MDGA2: variants seen among roughly 807,000 people sequenced by gnomAD.
The protein encoded by MDGA2 is MAM domain containing glycosylphosphatidylinositol anchor 2.
Under a neutral mutation model 117.8 loss-of-function variants are expected in MDGA2, and 40 were observed. That is an observed-to-expected ratio of 0.34 (90% confidence interval 0.26 to 0.44). The LOEUF (loss-of-function observed/expected upper bound fraction) is 0.44, where lower values mean the gene tolerates loss of function less well. Ranked by LOEUF, MDGA2 falls within the 20% of genes least tolerant of loss-of-function variation. The pLI is 1.00. For missense variants in MDGA2, 1,123 were observed against 1,250.6 expected, an observed-to-expected ratio of 0.90 and a Z score of 1.54; for synonymous variants, 452 against 439.0, an observed-to-expected ratio of 1.03 and a Z score of -0.37.
intron 15 of MDGA2, among the ~76,000 whole-genome samples, chr14:46,850,882 G>C (rs1256026167): frequency 6.6e-6 from 1 of 151,786 alleles, no homozygotes; most frequent in African/African-American, 2.4e-5. Context: ...AGCTGCAATT[G>C]GTAAATGTTT....
At chr14:47,639,529 A>G (rs1187925485) in intron 1 of MDGA2, among the ~76,000 whole-genome samples, 1 of 152,172 alleles carries the variant, frequency 6.6e-6, no homozygotes, top group East Asian at 1.9e-4. Flanking sequence ...GCATTTTTGC[A>G]TCAAAGCACT....
intron 1 of MDGA2, among the ~76,000 whole-genome samples, chr14:47,443,278 G>A (rs1893051170): frequency 6.6e-6 from 1 of 152,066 alleles, no homozygotes. Context: ...GCTCAATTAA[G>A]ATATAAAAGG....
chr14:47,369,525 C>T (rs1891299822), intron 1 of MDGA2, among the ~76,000 whole-genome samples: 1 of 152,070 alleles, frequency 6.6e-6, no homozygotes, highest in African/African-American at 2.4e-5. Flanking sequence ...TTTTCATCCT[C>T]TTACCACCAC....
intron 6 of MDGA2, among the ~76,000 whole-genome samples, chr14:47,072,619 G>A (rs1455501857): frequency 6.6e-6 from 1 of 152,168 alleles, no homozygotes; most frequent in African/African-American, 2.4e-5. Context: ...CTGAGAATTT[G>A]TTAGAAAGGC....
intron 5 of MDGA2, among the ~76,000 whole-genome samples, chr14:47,101,225 G>A (rs1006763785): frequency 6.6e-6 from 1 of 152,052 alleles, no homozygotes; most frequent in Admixed American, 6.6e-5. Context: ...GGAAGGGAAA[G>A]GGGAACAAAA....
chr14:47,301,235 C>A (rs980598117), intron 2 of MDGA2, among the ~76,000 whole-genome samples, 176 bp downstream of exon 2: 1 of 152,032 alleles, frequency 6.6e-6, no homozygotes, highest in Non-Finnish European at 1.5e-5. Flanking sequence ...AATCCACACT[C>A]TTGTCCTGCG....
chr14:47,482,338 A>T (rs547909285), intron 1 of MDGA2, among the ~76,000 whole-genome samples: 1 of 152,218 alleles, frequency 6.6e-6, no homozygotes, highest in Non-Finnish European at 1.5e-5. Flanking sequence ...TTCAAAAAGC[A>T]GCATTTTGCA....
rs373099781 is a variant in MDGA2, at chr14:47,107,605, GT to G, written c.926-10483del. 1.9e-3 allele frequency among the ~76,000 whole-genome samples: 292 copies of G among 151,590 alleles called. 7 individuals carry two copies. The East Asian group carries it at 0.049, about 25-fold the overall frequency. On this transcript the variant is annotated intron_variant, in intron 5 of 16. Transcript: ENST00000399232. ...TCAAGCCCAAATTTCTTCCTCATCT[GT>G]TACCTATCTCGGCATAATTCTCATA... is the stretch of plus-strand genomic sequence containing the variant.
chr14:47,428,330 T>A (rs1892730783), intron 1 of MDGA2, among the ~76,000 whole-genome samples: 1 of 152,210 alleles, frequency 6.6e-6, no homozygotes, highest in African/African-American at 2.4e-5. Flanking sequence ...ATTGTTGCTG[T>A]GGCTTGCTTT....
intron 1 of MDGA2, among the ~76,000 whole-genome samples, chr14:47,394,700 T>C (rs1437291354): frequency 2.0e-5 from 3 of 152,200 alleles, no homozygotes; most frequent in Admixed American, 1.3e-4. Context: ...ACTATATAAC[T>C]ATTAAAATGT....
chr14:46,929,612 TA>T (rs1884470136), intron 9 of MDGA2, among the ~76,000 whole-genome samples: 1 of 17,872 alleles, frequency 5.6e-5, no homozygotes, highest in African/African-American at 2.0e-4. Context: ...TATATATATA[TA>T]TATATATATA....
intron 1 of MDGA2, among the ~76,000 whole-genome samples, chr14:47,308,664 T>TA (rs370528618): frequency 0.19 from 28,093 of 145,308 alleles, 2,748 homozygotes; most frequent in Middle Eastern, 0.26. Flanking sequence ...TGTGTCCCAT[T>TA]AAAAAAAAAA....
At chr14:47,529,206 A>G (rs1895041473) in intron 1 of MDGA2, among the ~76,000 whole-genome samples, 1 of 152,116 alleles carries the variant, frequency 6.6e-6, no homozygotes. Flanking sequence ...CATCTGCAAT[A>G]AAGCTCATTG....
rs377132869 is a variant in MDGA2, at chr14:46,901,555, C to T, written c.2238+18457G>A. 7.9e-5 allele frequency among the ~76,000 whole-genome samples: 12 copies of T among 152,218 alleles called. No individual in the cohort carries two copies. The East Asian group carries it at 1.2e-3, about 15-fold the overall frequency. ...ACATGCATTTTATTCATTTATTCAG[C>T]AAATATTTACTGTACAACCACTATG... On this transcript the variant is annotated intron_variant, in intron 10 of 16. Coordinates refer to ENST00000399232, the MANE Select transcript of MDGA2 (RefSeq NM_001113498.3).
At chr14:47,002,892 C>T (rs1012520799) in intron 8 of MDGA2, among the ~76,000 whole-genome samples, 1 of 151,922 alleles carries the variant, frequency 6.6e-6, no homozygotes, top group Non-Finnish European at 1.5e-5. Flanking sequence ...TTGATAATTA[C>T]TGACATATAC....
intron 1 of MDGA2, 114 bp downstream of exon 1, chr14:47,674,403 A>T: frequency 1.1e-6 from 1 of 872,756 alleles, no homozygotes; most frequent in Non-Finnish European, 1.8e-6. Context: ...ATGAAGTGTA[A>T]ATCAAATGCC....
At chr14:47,518,374 AC>A (rs1894798284) in intron 1 of MDGA2, among the ~76,000 whole-genome samples, 1 of 152,188 alleles carries the variant, frequency 6.6e-6, no homozygotes. Context: ...TTCTAAAAAA[AC>A]ACACGTTAAT....
chr14:47,142,081 A>C (rs1390624249), intron 4 of MDGA2, among the ~76,000 whole-genome samples: 2 of 152,190 alleles, frequency 1.3e-5, no homozygotes, highest in Admixed American at 6.5e-5. Flanking sequence ...GATAGTATGA[A>C]AGATTTTCCA....
chr14:47,524,412 A>G (rs944702067), intron 1 of MDGA2, among the ~76,000 whole-genome samples: 2 of 152,220 alleles, frequency 1.3e-5, no homozygotes, highest in Non-Finnish European at 1.5e-5. Flanking sequence ...CAGAAAGTAG[A>G]GATCATTGAA....
Sources: allele counts gnomAD v4.1 joint callset (sites outside exome capture counted in the v4.1 genomes callset), GRCh38; gene constraint gnomAD v4.1.1; transcripts MANE v1.5; gene names NCBI Gene and HGNC (gene_info 2026-07-23, HGNC 2026-07-21).